Variants in PARVG observed in about 807,000 individuals in gnomAD.
PARVG encodes parvin gamma.
A neutral mutation model predicts 44.4 loss-of-function variants in PARVG; 36 were observed. That is an observed-to-expected ratio of 0.81 (90% CI 0.62 to 1.07). The LOEUF is 1.07. PARVG is among the 50% of genes least tolerant of loss of function. The pLI is 0.00. For missense variants in PARVG, 407 were observed against 407.4 expected (o/e 1.00, Z 0.01); for synonymous variants, 170 against 174.1 (o/e 0.98, Z 0.19).
intron 4 of PARVG, chr22:44,186,752 G>T: frequency 2.3e-6 from 1 of 437,934 alleles, no homozygotes; most frequent in South Asian, 1.6e-5. Context: ...GTCATGGGAG[G>T]GAAGGGGCCA....
intron 8 of PARVG, among the ~76,000 whole-genome samples, chr22:44,193,239 A>T (rs1427045297): frequency 6.6e-6 from 1 of 152,214 alleles, no homozygotes; most frequent in Admixed American, 6.5e-5. Context: ...AAAGAAGAAG[A>T]AAAATTGTTC....
Position 44,185,810 on chromosome 22 carries a change from G to A in PARVG, c.82G>A (p.Gly28Arg), listed in dbSNP as rs1226149434. ...TGTCATACCCACTCTGCTTCCAGGA[G>A]GAAAGAAGAAATACCTGCCACCCAC... ...PPAEEELSKG[G>R]KKKYLPPTSR... is the part of the protein sequence containing the mutation. Residue 28 changes from glycine to arginine, a missense_variant and splice_region_variant, in exon 4 of 14, where the codon GGA (glycine) becomes AGA (arginine). By Grantham distance (125) the Gly-to-Arg change is moderately radical. Transcript: ENST00000444313. 2 of 1,613,134 alleles carry A rather than the reference G, an allele frequency of 1.2e-6. No homozygotes were observed. Among genetic ancestry groups the A allele is most frequent in the Non-Finnish European group, 1.7e-6 (2 of 1,179,466 alleles).
rs770217718 is a variant in PARVG at position 44,190,664 on chromosome 22, G to C, written c.502G>C (p.Glu168Gln). The change falls in exon 7 of 14, where the codon GAG (glutamate) becomes CAG (glutamine). Residue 168 changes from glutamate (E) to glutamine (Q), a missense_variant and splice_region_variant. By Grantham distance (29) the Glu-to-Gln change is conservative (BLOSUM62 2). Coordinates refer to ENST00000444313, the MANE Select transcript of PARVG (RefSeq NM_022141.7). ...TNVQVEVITI[E>Q]STKSGLKSEK... ...CGTCCAGGTGGAGGTCATCACTATC[G>C]AGGTAGCAGCCTGGGCCCCAGGGAT... 6.2e-7 allele frequency: 1 copy of C among 1,608,370 alleles called. No homozygotes were observed.
chr22:44,194,112 T>A (rs1353342212), intron 9 of PARVG, among the ~76,000 whole-genome samples: 1 of 152,232 alleles, frequency 6.6e-6, no homozygotes, highest in Non-Finnish European at 1.5e-5. Flanking sequence ...TGGCCTGGGT[T>A]CAAACACCAG....
upstream of PARVG, among the ~76,000 whole-genome samples, chr22:44,179,305 C>G (rs1011981785): frequency 7.2e-5 from 11 of 152,164 alleles, no homozygotes; most frequent in Admixed American, 7.2e-4. This position sits in a 1 kb window ranked among gnomAD's most constrained non-coding sequence, Gnocchi z 4.2. Context: ...TGTTGTAACT[C>G]CACACCATAC....
intron 1 of PARVG, among the ~76,000 whole-genome samples, chr22:44,174,360 G>C (rs1030166130): frequency 1.1e-4 from 16 of 152,090 alleles, no homozygotes; most frequent in African/African-American, 3.9e-4. Context: ...CAGGTGCACC[G>C]GAGTAGGGAC....
chr22:44,196,007 AG>A, intron 9 of PARVG, 147 bp from the exon 10 acceptor site: 1 of 791,714 alleles, frequency 1.3e-6, no homozygotes, highest in South Asian at 1.7e-5. Flanking sequence ...ACTCAAATCC[AG>A]GTCTGTTTTA....
intron 3 of PARVG, chr22:44,184,039 G>T (rs943425486): frequency 6.3e-6 from 1 of 157,772 alleles, no homozygotes; most frequent in Non-Finnish European, 1.4e-5. Flanking sequence ...GAGCCCTTTG[G>T]GGGGTTGGCG....
chr22:44,192,073 G>C lies in PARVG; in HGVS notation c.529G>C (p.Glu177Gln), dbSNP rs1433166949. ...IESTKSGLKSEKLVEQLTEYS... is the reference protein window; with the variant it reads ...IESTKSGLKSQKLVEQLTEYS... Reference sequence around the variant, plus strand: ...GAGCACCAAAAGTGGTCTGAAGTCAGAGAAGTTGGTGGAACAGCTCACTGA... The same window carrying C: ...GAGCACCAAAAGTGGTCTGAAGTCACAGAAGTTGGTGGAACAGCTCACTGA... The change falls in exon 8 of 14, where the codon GAG (glutamate) becomes CAG (glutamine). Residue 177 changes from glutamate to glutamine, a missense_variant. Physicochemically the swap from Glu to Gln is conservative, Grantham distance 29. Coordinates refer to ENST00000444313, the MANE Select transcript of PARVG (RefSeq NM_022141.7). The C allele has an allele frequency of 1.2e-6, 2 of 1,613,040 alleles. No individual in the cohort carries two copies. Among genetic ancestry groups the C allele is most frequent in the Non-Finnish European group, 1.7e-6 (2 of 1,179,634 alleles).
chr22:44,183,277 C>A, intron 2 of PARVG, 41 bp from the exon 3 acceptor site: 1 of 1,548,086 alleles, frequency 6.5e-7, no homozygotes, highest in Non-Finnish European at 8.7e-7. Flanking sequence ...GAGTTTGGGG[C>A]TTCTCAGACC....
chr22:44,179,488 A>G (rs2054348490), upstream of PARVG, among the ~76,000 whole-genome samples: 1 of 152,196 alleles, frequency 6.6e-6, no homozygotes, highest in Admixed American at 6.5e-5. The surrounding 1 kb of genome is among the most constrained non-coding windows in gnomAD (Gnocchi z 4.2). Flanking sequence ...GATGATAACA[A>G]GCTCACCCCA....
At chr22:44,199,967 C>G (rs1467334345) in intron 12 of PARVG, among the ~76,000 whole-genome samples, 37 of 152,112 alleles carry the variant, frequency 2.4e-4, no homozygotes, top group Admixed American at 2.4e-3. Context: ...TGTGGCTTGA[C>G]CTGGGGAAGA....
chr22:44,181,221 C>G lies in PARVG; in HGVS notation c.-189+36C>G, dbSNP rs144904800. 2.2e-3 allele frequency: 1,280 copies of G among 587,102 alleles called. 17 individuals are homozygous for G. The African/African-American group carries it at 0.022, about 10-fold the overall frequency. The allele number at this position is 587,102 out of a possible 1,614,324, so 36.4% of individuals were successfully genotyped here. ...GCGATTGAGAGAGACAGACCACGCACAGCCTGGATTTTATTTTAAGAGCTA... is the reference window on the plus strand; with the variant it reads ...GCGATTGAGAGAGACAGACCACGCAGAGCCTGGATTTTATTTTAAGAGCTA... On this transcript the variant is annotated intron_variant, in intron 1 of 13. Transcript: ENST00000444313.
intron 8 of PARVG, 50 bp from the exon 9 acceptor site, chr22:44,193,750 CG>C (rs2054581043): frequency 6.2e-7 from 1 of 1,601,862 alleles, no homozygotes; most frequent in Non-Finnish European, 8.5e-7. Context: ...TGTAGGTTTG[CG>C]GGGTGTTTTT....
In PARVG at chr22:44,183,199, G is replaced by A. The variant is rs555728660; in HGVS notation, c.-12-119G>A. 4.0e-5 allele frequency: 35 copies of A among 869,756 alleles called. No homozygotes were observed. In the African/African-American group the frequency reaches 5.1e-4, roughly 13 times the overall value. The allele number at this position is 869,756 out of a possible 1,614,324, so 53.9% of individuals were successfully genotyped here. A position where few individuals can be genotyped will look rare whatever the true frequency, so the allele number is the denominator to read the frequency against. ...CCCCTGCCTAGGCTGGCATGCTGAC[G>A]TGTCCCCAGAACCTGGCTTCTACCC... On this transcript the variant is annotated intron_variant, in intron 2 of 13. Transcript: ENST00000444313.
In PARVG at chr22:44,187,846, T is replaced by C; in HGVS notation, c.215T>C (p.Met72Thr). 1 of 1,614,250 alleles carries C rather than the reference T, an allele frequency of 6.2e-7. No homozygotes were observed. Among genetic ancestry groups the C allele is most frequent in the Non-Finnish European group, 8.5e-7 (1 of 1,180,034 alleles). Reference protein sequence around the residue: ...HIVVRSLEEDMFDGLILHHLF... With the variant: ...HIVVRSLEEDTFDGLILHHLF... The stretch of plus-strand genomic sequence containing the variant: ...GTGGTCCGCAGCCTGGAGGAGGACA[T>C]GTTCGACGGGCTCATCCTACACCAC... The change falls in exon 5 of 14, where the codon ATG becomes ACG. Residue 72 changes from methionine (M) to threonine (T), a missense_variant. By Grantham distance (81) the Met-to-Thr change is moderately conservative. Coordinates refer to ENST00000444313, the MANE Select transcript of PARVG (RefSeq NM_022141.7).
At chr22:44,174,807 G>T (rs941439473) in intron 1 of PARVG, among the ~76,000 whole-genome samples, 1 of 151,936 alleles carries the variant, frequency 6.6e-6, no homozygotes, top group Non-Finnish European at 1.5e-5. Context: ...CTGATTCTCC[G>T]ACCTTTCTCA....
At chr22:44,196,916 A>C (rs1464625900) in intron 11 of PARVG, among the ~76,000 whole-genome samples, 1 of 152,108 alleles carries the variant, frequency 6.6e-6, no homozygotes, top group African/African-American at 2.4e-5. Flanking sequence ...GCAGAATCTC[A>C]GGGGGTCAGC....
chr22:44,192,755 C>A (rs1695741198), intron 8 of PARVG, among the ~76,000 whole-genome samples: 1 of 152,028 alleles, frequency 6.6e-6, no homozygotes, highest in African/African-American at 2.4e-5. Context: ...ATCCTGCTCC[C>A]TGCCCACTGG....
Sources: gnomAD v4.1 joint callset for allele counts (sites outside exome capture counted in the v4.1 genomes callset) on GRCh38, gnomAD v4.1.1 for gene constraint, Gnocchi (gnomAD v3.1) non-coding constraint, MANE v1.5 for transcripts, NCBI Gene and HGNC (gene_info 2026-07-23, HGNC 2026-07-21) for gene names.